Variants in POLR3G observed in about 807,000 individuals in gnomAD.
POLR3G encodes DNA-directed RNA polymerase III subunit RPC7.
Under a neutral mutation model 30.1 loss-of-function variants are expected in POLR3G, and 28 were observed. That is an observed-to-expected ratio of 0.93 (90% CI 0.69 to 1.27). The LOEUF (loss-of-function observed/expected upper bound fraction) is 1.27. Ranked by LOEUF, POLR3G falls within the 50% of genes most tolerant of loss-of-function variation. The probability of loss-of-function intolerance (pLI) is 0.00; values close to 1 mark genes in which losing one functional copy is unlikely to be tolerated. For synonymous variants in POLR3G, 79 were observed against 82.5 expected, an observed-to-expected ratio of 0.96 and a Z score of 0.23; for missense variants, 254 against 264.6, an observed-to-expected ratio of 0.96 and a Z score of 0.28.
chr5:90,506,677 A>G lies in POLR3G; in HGVS notation c.585+3A>G, dbSNP rs1468339084. 1 of 1,599,248 alleles carries G rather than the reference A, an allele frequency of 6.3e-7. No individual in the cohort carries two copies. The highest frequency in any genetic ancestry group is 1.7e-5 in the Admixed American group (1 of 58,112). On this transcript the variant is annotated splice_donor_region_variant and intron_variant, in intron 7 of 7. Transcript: ENST00000651687. ...ATGATGAAGAAGAGCAAGAAGAGGT[A>G]ATGGTTCATTTGGGGATGGTAGCAA...
rs141081478 is a variant in POLR3G at position 90,487,775 on chromosome 5, A to G, written c.118-225A>G. Among the ~76,000 whole-genome samples the G allele has an allele frequency of 5.0e-3, 754 of 152,252 alleles. 6 individuals carry two copies. The highest frequency in any genetic ancestry group is 0.017 in the African/African-American group (717 of 41,520). On this transcript the variant is annotated intron_variant, in intron 2 of 7. Coordinates refer to ENST00000651687, the MANE Select transcript of POLR3G (RefSeq NM_006467.3). ...ATTATTGGTGTAGTTTTCAGGGCCA[A>G]TAGGAAAATTACGCATCTTTCTTAC...
intron 7 of POLR3G, among the ~76,000 whole-genome samples, chr5:90,511,176 C>A (rs569208249): frequency 6.6e-6 from 1 of 152,142 alleles, no homozygotes; most frequent in Admixed American, 6.5e-5. Context: ...AAATCCTAGG[C>A]ATCGTATCAT....
upstream of POLR3G, chr5:90,474,471 G>A (rs901344730): frequency 3.2e-6 from 2 of 615,468 alleles, no homozygotes; most frequent in East Asian, 2.8e-5. Flanking sequence ...GACGCAGACC[G>A]ACGCTGCCCG....
At chr5:90,484,111 C>G (rs919595266) in intron 1 of POLR3G, among the ~76,000 whole-genome samples, 1 of 152,146 alleles carries the variant, frequency 6.6e-6, no homozygotes, top group Non-Finnish European at 1.5e-5. Flanking sequence ...CAATCCTCAC[C>G]CCAAGAGATC....
intron 4 of POLR3G, among the ~76,000 whole-genome samples, chr5:90,496,436 G>A (rs1752000755): frequency 6.6e-6 from 1 of 152,192 alleles, no homozygotes; most frequent in African/African-American, 2.4e-5. Flanking sequence ...TCGTTTTAAA[G>A]ATATTTTAAG....
chr5:90,513,242 T>TA lies in POLR3G; in HGVS notation c.*1105dup, dbSNP rs1431492935. 2 of 152,546 alleles carry TA rather than the reference T, an allele frequency of 1.3e-5. No individual in the cohort carries two copies. Among genetic ancestry groups the TA allele is most frequent in the African/African-American group, 4.8e-5 (2 of 41,440 alleles). The allele number at this position is 152,546 out of a possible 1,614,324, so 9.4% of individuals were successfully genotyped here. On this transcript the variant is annotated 3_prime_UTR_variant, in exon 8 of 8. Transcript: ENST00000651687. Reference sequence around the variant, plus strand: ...TATCAATGTTATCTACCAAAAGAAATAATTTTATTTTTCCCCTTTGGGGAG... The same window carrying TA: ...TATCAATGTTATCTACCAAAAGAAATAAATTTTATTTTTCCCCTTTGGGGAG...
chr5:90,483,579 C>G (rs1751258535), intron 1 of POLR3G, among the ~76,000 whole-genome samples: 1 of 151,888 alleles, frequency 6.6e-6, no homozygotes, highest in Non-Finnish European at 1.5e-5. Context: ...CCGAGGCAGG[C>G]AGATCACTTG....
At chr5:90,503,274 C>T (rs1373400657) in intron 6 of POLR3G, among the ~76,000 whole-genome samples, 1 of 152,154 alleles carries the variant, frequency 6.6e-6, no homozygotes, top group Admixed American at 6.5e-5. Flanking sequence ...ACTTGCCTGG[C>T]CAAGTTGGCA....
chr5:90,492,416 C>T (rs1177230443), intron 3 of POLR3G, among the ~76,000 whole-genome samples: 1 of 152,026 alleles, frequency 6.6e-6, no homozygotes, highest in Non-Finnish European at 1.5e-5. Flanking sequence ...TTGTAACTGA[C>T]AAATGCTGAA....
chr5:90,508,032 C>G (rs1752571800), intron 7 of POLR3G, among the ~76,000 whole-genome samples: 2 of 152,170 alleles, frequency 1.3e-5, no homozygotes, highest in South Asian at 4.1e-4. Context: ...CATTCTCTAC[C>G]TATTTTCCCT....
intron 2 of POLR3G, among the ~76,000 whole-genome samples, chr5:90,487,643 G>A (rs564782409): frequency 4.0e-5 from 6 of 151,790 alleles, no homozygotes; most frequent in Admixed American, 2.0e-4. Context: ...CACCTGCCTC[G>A]GCCTTCCAAA....
upstream of POLR3G, chr5:90,474,545 G>C (rs1236623127): frequency 1.3e-5 from 7 of 518,860 alleles, no homozygotes; most frequent in East Asian, 2.4e-4. Context: ...CACCAGCACG[G>C]GGGCGCAGGA....
At chr5:90,497,209 G>A (rs891207508) in intron 4 of POLR3G, among the ~76,000 whole-genome samples, 1 of 151,468 alleles carries the variant, frequency 6.6e-6, no homozygotes, top group African/African-American at 2.4e-5. Context: ...TATTACAATT[G>A]TTTATTTCAT....
Position 90,481,661 on chromosome 5 carries a change from TAGAA to T in POLR3G, c.-43-3858_-43-3855del, listed in dbSNP as rs575317983. On this transcript the variant is annotated intron_variant, in intron 1 of 7. Transcript: ENST00000651687. ...GCACTGACCTAGTTTCTTAGACAAATAGAAAGAAAAAAAAATGGGAAAACCATTA... is the reference window on the plus strand; with the variant it reads ...GCACTGACCTAGTTTCTTAGACAAATAGAAAAAAAAATGGGAAAACCATTA... 4.0e-3 allele frequency among the ~76,000 whole-genome samples: 607 copies of T among 151,622 alleles called. 4 individuals are homozygous for T. The highest frequency in any genetic ancestry group is 0.013 in the African/African-American group (536 of 41,374).
At chr5:90,511,927 A>C in intron 7 of POLR3G, 126 bp from the exon 8 acceptor site, 1 of 642,986 alleles carries the variant, frequency 1.6e-6, no homozygotes, top group Middle Eastern at 2.6e-4. Flanking sequence ...AAAGCGGCAC[A>C]GGTAAACACA....
At chr5:90,493,595 A>G (rs1026351466) in intron 3 of POLR3G, among the ~76,000 whole-genome samples, 4 of 150,584 alleles carry the variant, frequency 2.7e-5, no homozygotes, top group African/African-American at 9.7e-5. Context: ...ATAATCCACT[A>G]TATAAAATTT....
At chr5:90,483,046 A>G (rs963270215) in intron 1 of POLR3G, among the ~76,000 whole-genome samples, 14 of 150,792 alleles carry the variant, frequency 9.3e-5, no homozygotes, top group African/African-American at 3.2e-4. Flanking sequence ...AGGCTGAGGC[A>G]GGAGAATTGC....
chr5:90,511,931 A>G (rs1752757158), intron 7 of POLR3G, 122 bp from the exon 8 acceptor site: 1 of 670,924 alleles, frequency 1.5e-6, no homozygotes, highest in Non-Finnish European at 2.6e-6. Flanking sequence ...CGGCACAGGT[A>G]AACACAAGTG....
chr5:90,486,095 C>T (rs1025581260), intron 2 of POLR3G, among the ~76,000 whole-genome samples: 10 of 152,064 alleles, frequency 6.6e-5, no homozygotes, highest in African/African-American at 2.4e-4. Context: ...CTTAGTATAC[C>T]ACTTGACTTT....
Sources: gnomAD v4.1 joint callset for allele counts (sites outside exome capture counted in the v4.1 genomes callset) on GRCh38, gnomAD v4.1.1 for gene constraint, MANE v1.5 for transcripts, NCBI Gene and HGNC (gene_info 2026-07-23, HGNC 2026-07-21) for gene names.